The following RBMS1 variants were observed in gnomAD, a reference collection of about 807,000 sequenced individuals.
RBMS1 encodes RNA binding motif single stranded interacting protein 1.
A neutral mutation model predicts 62.3 loss-of-function variants in RBMS1; 17 were observed. The observed-to-expected ratio is 0.27, with a 90% CI of 0.19 to 0.41. The LOEUF is 0.41. Among genes scored for constraint, RBMS1 ranks in the 10% least tolerant of loss-of-function variants. The pLI, the probability that RBMS1 is intolerant of heterozygous loss-of-function variation, is 1.00. For synonymous variants in RBMS1, 172 were observed against 170.0 expected, an observed-to-expected ratio of 1.01 and a Z score of -0.09; for missense variants, 334 against 504.5, an observed-to-expected ratio of 0.66 and a Z score of 3.24.
chr2:160,303,944 A>G (rs1208061964), intron 4 of RBMS1, among the ~76,000 whole-genome samples: 1 of 152,156 alleles, frequency 6.6e-6, no homozygotes, highest in East Asian at 1.9e-4. Flanking sequence ...ATCTGCCTAA[A>G]TTTCCGTCCT....
intron 5 of RBMS1, among the ~76,000 whole-genome samples, chr2:160,300,983 T>C (rs1235551089): frequency 6.6e-6 from 1 of 152,212 alleles, no homozygotes; most frequent in Non-Finnish European, 1.5e-5. Context: ...TAAGATCAAG[T>C]ATATCAAACG....
intron 3 of RBMS1, among the ~76,000 whole-genome samples, chr2:160,317,500 A>G (rs1690289560): frequency 6.6e-6 from 1 of 152,140 alleles, no homozygotes; most frequent in African/African-American, 2.4e-5. Context: ...AGTGCTGCCT[A>G]CTGTAGACGC....
intron 2 of RBMS1, among the ~76,000 whole-genome samples, chr2:160,356,869 G>A (rs1356574458): frequency 2.0e-5 from 3 of 152,122 alleles, no homozygotes; most frequent in Admixed American, 6.6e-5. Context: ...ACTTGGCATA[G>A]TTATCGGGAG....
At chr2:160,316,327 T>C (rs954663912) in intron 3 of RBMS1, among the ~76,000 whole-genome samples, 1 of 152,182 alleles carries the variant, frequency 6.6e-6, no homozygotes, top group Non-Finnish European at 1.5e-5. Flanking sequence ...CTGGGAGGCT[T>C]GTGTGAAGCA....
intron 2 of RBMS1, among the ~76,000 whole-genome samples, chr2:160,319,263 G>A (rs1213506231): frequency 3.9e-5 from 6 of 152,194 alleles, no homozygotes; most frequent in Non-Finnish European, 4.4e-5. Context: ...TGTAATCCCA[G>A]CACTTTGGGA....
At chr2:160,324,125 A>G (rs1450791003) in intron 2 of RBMS1, among the ~76,000 whole-genome samples, 1 of 152,252 alleles carries the variant, frequency 6.6e-6, no homozygotes, top group African/African-American at 2.4e-5. Flanking sequence ...CTTAGAAGAC[A>G]AAGAAAAGTA....
chr2:160,409,719 AAAG>A (rs1012935277), intron 1 of RBMS1, among the ~76,000 whole-genome samples: 62 of 152,282 alleles, frequency 4.1e-4, no homozygotes, highest in African/African-American at 1.3e-3. Context: ...GTAAACCACA[AAAG>A]AAGAGAATAG....
At chr2:160,462,523 A>G (rs1684509463) in intron 1 of RBMS1, among the ~76,000 whole-genome samples, 1 of 152,268 alleles carries the variant, frequency 6.6e-6, no homozygotes, top group African/African-American at 2.4e-5. Context: ...GGGTAAGTAG[A>G]AATAATACTC....
chr2:160,410,828 C>T (rs575363225), intron 1 of RBMS1, among the ~76,000 whole-genome samples: 10 of 152,208 alleles, frequency 6.6e-5, no homozygotes, highest in East Asian at 1.9e-4. Context: ...ACTGCAACCT[C>T]TGCCTCTCGG....
At chr2:160,368,629 A>G (rs1693546187) in intron 1 of RBMS1, among the ~76,000 whole-genome samples, 1 of 152,048 alleles carries the variant, frequency 6.6e-6, no homozygotes, top group South Asian at 2.1e-4. Flanking sequence ...TGGGGATCTC[A>G]TTAATTTATT....
At chr2:160,399,975 T>C (rs566679316) in intron 1 of RBMS1, among the ~76,000 whole-genome samples, 1 of 152,306 alleles carries the variant, frequency 6.6e-6, no homozygotes, top group South Asian at 2.1e-4. Flanking sequence ...ACTAGCAAAG[T>C]AAGAAACAAA....
At chr2:160,471,157 C>CAGG (rs2105344421) in intron 1 of RBMS1, among the ~76,000 whole-genome samples, 1 of 152,264 alleles carries the variant, frequency 6.6e-6, no homozygotes, top group South Asian at 2.1e-4. Flanking sequence ...TTCTGAAAGG[C>CAGG]AGGAGCCCAA....
chr2:160,280,347 G>A (rs1016701902), intron 10 of RBMS1, among the ~76,000 whole-genome samples: 18 of 152,098 alleles, frequency 1.2e-4, no homozygotes, highest in African/African-American at 3.9e-4. Flanking sequence ...ATATCAGAGC[G>A]CGCCTCTCCT....
At chr2:160,318,998 T>C (rs1354854767) in intron 2 of RBMS1, among the ~76,000 whole-genome samples, 1 of 152,232 alleles carries the variant, frequency 6.6e-6, no homozygotes, top group African/African-American at 2.4e-5. Flanking sequence ...CAAATTCCTT[T>C]ATGTGCCATA....
chr2:160,406,818 T>C (rs956773135), intron 1 of RBMS1, among the ~76,000 whole-genome samples: 1 of 152,224 alleles, frequency 6.6e-6, no homozygotes, highest in African/African-American at 2.4e-5. Flanking sequence ...GAGTTCAATC[T>C]GTTAAAAAAT....
At chr2:160,484,870 C>CAA (rs756811005) in intron 1 of RBMS1, among the ~76,000 whole-genome samples, 66,778 of 128,334 alleles carry the variant, frequency 0.52, 15,699 homozygotes, top group East Asian at 0.67. Context: ...GACTCCGTCT[C>CAA]AAAAAAAAAA....
chr2:160,349,217 A>G (rs1298335977), intron 2 of RBMS1, among the ~76,000 whole-genome samples: 2 of 152,116 alleles, frequency 1.3e-5, no homozygotes, highest in Non-Finnish European at 2.9e-5. Flanking sequence ...GAGGTGGTAC[A>G]TGGCCACTTG....
intron 1 of RBMS1, among the ~76,000 whole-genome samples, chr2:160,373,549 C>T (rs78863789): frequency 6.6e-6 from 1 of 152,204 alleles, no homozygotes; most frequent in Non-Finnish European, 1.5e-5. Flanking sequence ...AAGTTGCCCA[C>T]TGAGAACTCT....
intron 2 of RBMS1, among the ~76,000 whole-genome samples, chr2:160,348,983 C>T (rs1692335420): frequency 6.6e-6 from 1 of 152,020 alleles, no homozygotes; most frequent in Non-Finnish European, 1.5e-5. Context: ...AGCAAGGTTC[C>T]AGGACCTTAG....
Sources: allele counts gnomAD v4.1 joint callset (sites outside exome capture counted in the v4.1 genomes callset), GRCh38; gene constraint gnomAD v4.1.1; transcripts MANE v1.5; gene names NCBI Gene and HGNC (gene_info 2026-07-23, HGNC 2026-07-21).